Variants in SLC5A4 observed in about 807,000 individuals in gnomAD.
The protein encoded by SLC5A4 is solute carrier family 5 member 4.
Under a neutral mutation model 70.3 loss-of-function variants are expected in SLC5A4, and 55 were observed. The ratio of observed to expected loss-of-function variants is 0.78; its 90% confidence interval spans 0.63 to 0.98. SLC5A4 has a LOEUF of 0.98. Ranked by LOEUF, SLC5A4 falls within the 50% of genes least tolerant of loss-of-function variation. SLC5A4 has a pLI of 0.00. For synonymous variants in SLC5A4, 268 were observed against 305.7 expected (o/e 0.88, Z 1.29); for missense variants, 735 against 839.2 (o/e 0.88, Z 1.53).
chr22:32,271,965 T>C, the SLC5A4 span: 6 of 594,342 alleles, frequency 1.0e-5, no homozygotes, highest in Non-Finnish European at 1.9e-5. Flanking sequence ...GGAGAAGGCA[T>C]TTGAGACCAT....
the SLC5A4 span, among the ~76,000 whole-genome samples, chr22:32,345,704 G>A: frequency 6.6e-6 from 1 of 152,110 alleles, no homozygotes; most frequent in Non-Finnish European, 1.5e-5. Flanking sequence ...GGGCACAAAA[G>A]TCCCATCACT....
chr22:32,271,110 C>CG, the SLC5A4 span: 57 of 596,636 alleles, frequency 9.6e-5, no homozygotes, highest in East Asian at 1.1e-3. Context: ...CAGCCCCTGC[C>CG]GACTGGGACT....
intron 5 of SLC5A4, among the ~76,000 whole-genome samples, chr22:32,241,356 AC>A (rs1926496527): frequency 6.6e-6 from 1 of 152,210 alleles, no homozygotes; most frequent in East Asian, 1.9e-4. Context: ...CAGAACAGGG[AC>A]CTACACCGAG....
At chr22:32,247,620 G>T in intron 4 of SLC5A4, 105 bp from the exon 5 acceptor site, 1 of 732,828 alleles carries the variant, frequency 1.4e-6, no homozygotes, top group Non-Finnish European at 2.4e-6. Flanking sequence ...CCTGTGTGTG[G>T]CCCCTTCCTG....
chr22:32,250,889 A>G (rs1189644000), intron 3 of SLC5A4, among the ~76,000 whole-genome samples: 1 of 152,026 alleles, frequency 6.6e-6, no homozygotes, highest in Non-Finnish European at 1.5e-5. Flanking sequence ...TCTCATTCAT[A>G]AGTAGGAGTT....
At chr22:32,272,384 G>T in the SLC5A4 span, 1 of 894,928 alleles carries the variant, frequency 1.1e-6, no homozygotes, top group East Asian at 2.6e-5. Flanking sequence ...TGAAGCCTGC[G>T]GGCCAGCGAG....
chr22:32,270,564 G>T, the SLC5A4 span: 1 of 720,970 alleles, frequency 1.4e-6, no homozygotes, highest in South Asian at 1.5e-5. Flanking sequence ...TATTCCCGCA[G>T]ATGGGGCAGG....
chr22:32,239,534 A>C (rs542421255), intron 5 of SLC5A4, among the ~76,000 whole-genome samples: 1 of 11,624 alleles, frequency 8.6e-5, no homozygotes, highest in East Asian at 1.9e-3. Context: ...ATATATATAT[A>C]TATATATATA....
intron 2 of SLC5A4, among the ~76,000 whole-genome samples, chr22:32,252,138 G>A (rs974007112): frequency 2.0e-5 from 3 of 151,798 alleles, no homozygotes; most frequent in African/African-American, 7.3e-5. Flanking sequence ...GCTGAGGCAG[G>A]AGAATGGCAT....
At chr22:32,323,206 T>C in the SLC5A4 span, among the ~76,000 whole-genome samples, 26 of 152,046 alleles carry the variant, frequency 1.7e-4, no homozygotes, top group Non-Finnish European at 2.6e-4. Flanking sequence ...GACTACCCAA[T>C]TGAGAAGACA....
chr22:32,333,204 C>A, the SLC5A4 span, among the ~76,000 whole-genome samples: 5 of 149,266 alleles, frequency 3.3e-5, no homozygotes, highest in Middle Eastern at 3.4e-3. Context: ...GCACCCCCCC[C>A]CCAGAAGACT....
the SLC5A4 span, among the ~76,000 whole-genome samples, chr22:32,303,062 G>C: frequency 6.6e-6 from 1 of 151,728 alleles, no homozygotes; most frequent in Non-Finnish European, 1.5e-5. Context: ...GTGTTTTGTA[G>C]TTTTCAGGAT....
the SLC5A4 span, among the ~76,000 whole-genome samples, chr22:32,294,796 T>C: frequency 2.7e-5 from 3 of 112,078 alleles, no homozygotes; most frequent in East Asian, 2.4e-4. Flanking sequence ...GTATATCTCC[T>C]GATGCTATCC....
At chr22:32,314,316 G>C in the SLC5A4 span, among the ~76,000 whole-genome samples, 10 of 152,120 alleles carry the variant, frequency 6.6e-5, no homozygotes, top group Non-Finnish European at 1.3e-4. Context: ...TCCCCACATA[G>C]AAAGTTAGCT....
At position 32,224,251 on chromosome 22, in the gene SLC5A4, A is replaced by T; in HGVS notation, c.1665+16T>A. ...TCTTATTTAAAATTAGCATGTATTC[A>T]TTACTCATCACTCACATGTACATCA... On this transcript the variant is annotated intron_variant, in intron 13 of 14. Transcript: ENST00000266086. 1 of 1,572,428 alleles carries T rather than the reference A, an allele frequency of 6.4e-7. No homozygotes were observed. Among genetic ancestry groups the T allele is most frequent in the South Asian group, 1.1e-5 (1 of 90,030 alleles).
At chr22:32,234,038 A>G (rs960459261) in intron 8 of SLC5A4, among the ~76,000 whole-genome samples, 1 of 152,132 alleles carries the variant, frequency 6.6e-6, no homozygotes, top group Non-Finnish European at 1.5e-5. Context: ...GAGAAGGGAA[A>G]GTTGAAAGAC....
chr22:32,353,551 C>G, the SLC5A4 span, among the ~76,000 whole-genome samples: 1 of 152,054 alleles, frequency 6.6e-6, no homozygotes, highest in Non-Finnish European at 1.5e-5. Flanking sequence ...CTCTGACCAC[C>G]CGTCACTGAC....
At chr22:32,319,913 C>G in the SLC5A4 span, among the ~76,000 whole-genome samples, 1 of 150,852 alleles carries the variant, frequency 6.6e-6, no homozygotes, top group Admixed American at 6.6e-5. Flanking sequence ...ACAGGGTCAG[C>G]ACTCAATTAA....
At chr22:32,337,898 A>G in the SLC5A4 span, among the ~76,000 whole-genome samples, 1 of 146,504 alleles carries the variant, frequency 6.8e-6, no homozygotes, top group Non-Finnish European at 1.5e-5. Flanking sequence ...ATACATTTTG[A>G]GTATGTATTA....
Sources: gnomAD v4.1 joint callset for allele counts (sites outside exome capture counted in the v4.1 genomes callset) on GRCh38, gnomAD v4.1.1 for gene constraint, MANE v1.5 for transcripts, NCBI Gene and HGNC (gene_info 2026-07-23, HGNC 2026-07-21) for gene names.